Variants in SLC22A23 observed in about 807,000 individuals in gnomAD.
SLC22A23 encodes ion transporter protein.
SLC22A23 carries 26 observed loss-of-function variants against 61.0 expected under a neutral mutation model. That is an observed-to-expected ratio of 0.43 (90% CI 0.31 to 0.59). The LOEUF (loss-of-function observed/expected upper bound fraction) is 0.59, where lower values mean the gene tolerates loss of function less well. Ranked by LOEUF, SLC22A23 falls within the 20% of genes least tolerant of loss-of-function variation. The pLI is 0.11. For missense variants in SLC22A23, 796 were observed against 934.7 expected (o/e 0.85, Z 1.94); for synonymous variants, 430 against 413.9 (o/e 1.04, Z -0.47).
intron 3 of SLC22A23, among the ~76,000 whole-genome samples, chr6:3,393,597 T>C (rs765332996): frequency 3.3e-5 from 5 of 152,232 alleles, no homozygotes; most frequent in African/African-American, 7.2e-5. Flanking sequence ...CATAGGATGA[T>C]GTGAGCGGGA....
At chr6:3,444,969 G>T (rs1261253787) in intron 1 of SLC22A23, 4 of 985,404 alleles carry the variant, frequency 4.1e-6, no homozygotes, top group Admixed American at 6.1e-5. Context: ...ACCCCACCAA[G>T]GGGAGGAAGG....
intron 9 of SLC22A23, among the ~76,000 whole-genome samples, chr6:3,280,923 G>A (rs1002670541): frequency 1.3e-5 from 2 of 152,158 alleles, no homozygotes; most frequent in Non-Finnish European, 2.9e-5. Context: ...GGAGTCGTCA[G>A]TCAGGGAGTG....
intron 8 of SLC22A23, among the ~76,000 whole-genome samples, chr6:3,284,522 C>G (rs575582091): frequency 1.3e-5 from 2 of 152,364 alleles, no homozygotes; most frequent in African/African-American, 4.8e-5. Context: ...CAGGACCATA[C>G]AGCTGGGGCT....
chr6:3,303,944 T>A lies in SLC22A23; in HGVS notation c.1083-5726A>T, dbSNP rs117341614. On this transcript the variant is annotated intron_variant, in intron 4 of 9. Transcript: ENST00000406686. Reference sequence around the variant, plus strand: ...TAGCACAACATCACTATGTACCCCATAAATATGTACAATTCTGATGTGTTA... The same window carrying A: ...TAGCACAACATCACTATGTACCCCAAAAATATGTACAATTCTGATGTGTTA... Among the ~76,000 whole-genome samples the A allele has an allele frequency of 6.3e-4, 96 of 152,340 alleles. 2 individuals are homozygous for A. The East Asian group carries it at 0.018, about 28-fold the overall frequency.
rs111359938 is a variant in SLC22A23, at chr6:3,322,998, C to A, written c.1082+836G>T. 4.7e-4 allele frequency among the ~76,000 whole-genome samples: 72 copies of A among 152,212 alleles called. No homozygotes were observed. Among genetic ancestry groups the A allele is most frequent in the Non-Finnish European group, 9.0e-4 (61 of 68,010 alleles). ...AAAGTATCATTTTTAGGGTCAACAT[C>A]TCTCTATCCGTGGAGCAGTGTTTTC... On this transcript the variant is annotated intron_variant, in intron 4 of 9. Transcript: ENST00000406686. The surrounding 1 kb of genome is among the most constrained non-coding windows in gnomAD (Gnocchi z 4.1).
intron 4 of SLC22A23, among the ~76,000 whole-genome samples, chr6:3,299,421 C>T (rs1431361717): frequency 1.3e-5 from 2 of 152,206 alleles, no homozygotes; most frequent in African/African-American, 2.4e-5. Context: ...GCTATTTCCA[C>T]GTTACTGCTA....
At chr6:3,441,713 C>T (rs570622827) in intron 1 of SLC22A23, among the ~76,000 whole-genome samples, 1 of 152,192 alleles carries the variant, frequency 6.6e-6, no homozygotes, top group African/African-American at 2.4e-5. Flanking sequence ...GTTCACCCCC[C>T]ACCCTCAGCT....
chr6:3,285,969 T>A (rs928049842), intron 7 of SLC22A23, among the ~76,000 whole-genome samples: 8 of 152,188 alleles, frequency 5.3e-5, no homozygotes, highest in African/African-American at 1.9e-4. Context: ...TCCTGCCTGT[T>A]CACGTCGCGC....
At chr6:3,361,497 A>T (rs1445257129) in intron 3 of SLC22A23, among the ~76,000 whole-genome samples, 1 of 152,148 alleles carries the variant, frequency 6.6e-6, no homozygotes, top group Non-Finnish European at 1.5e-5. Flanking sequence ...GGCCACAAAG[A>T]CTGGGGTCCC....
At chr6:3,277,242 G>A (rs1173366774) in intron 9 of SLC22A23, among the ~76,000 whole-genome samples, 18 of 152,192 alleles carry the variant, frequency 1.2e-4, no homozygotes, top group Non-Finnish European at 1.5e-5. Flanking sequence ...ATGACATGGA[G>A]TCCTAAAAGT....
chr6:3,416,530 A>G (rs1310171240), intron 1 of SLC22A23, among the ~76,000 whole-genome samples: 1 of 152,272 alleles, frequency 6.6e-6, no homozygotes, highest in Non-Finnish European at 1.5e-5. Flanking sequence ...TTGTTTAATA[A>G]GAAAAATACA....
At chr6:3,438,728 A>G (rs988876014) in intron 1 of SLC22A23, among the ~76,000 whole-genome samples, 2 of 152,242 alleles carry the variant, frequency 1.3e-5, no homozygotes, top group Admixed American at 6.5e-5. Flanking sequence ...GGTCATTAGC[A>G]ACATTCATTC....
chr6:3,325,666 TA>T lies in SLC22A23; in HGVS notation c.914-1665del, dbSNP rs1763237221. Among the ~76,000 whole-genome samples, 5 of 152,222 alleles carry T rather than the reference TA, an allele frequency of 3.3e-5. No homozygotes were observed. In the South Asian group the frequency reaches 1.0e-3, roughly 32 times the overall value. On this transcript the variant is annotated intron_variant, in intron 3 of 9. Transcript: ENST00000406686. Reference sequence around the variant, plus strand: ...GATCTGGCATTTCTGCTCTCAAAAATAATAAAGAAAAATAGGTCTTTTAAGA... The same window carrying T: ...GATCTGGCATTTCTGCTCTCAAAAATATAAAGAAAAATAGGTCTTTTAAGA...
rs1769486916 is a variant in SLC22A23, at chr6:3,414,119, G to T, written c.758+1633C>A. 6.6e-6 allele frequency among the ~76,000 whole-genome samples: 1 copy of T among 152,190 alleles called. No individual in the cohort carries two copies. The highest frequency in any genetic ancestry group is 1.5e-5 in the Non-Finnish European group (1 of 68,042). Reference sequence around the variant, plus strand: ...TCTTTAAACAATTTAAACTGTTACAGACTGGTTCATTCATAAAAGTCGATT... The same window carrying T: ...TCTTTAAACAATTTAAACTGTTACATACTGGTTCATTCATAAAAGTCGATT... On this transcript the variant is annotated intron_variant, in intron 2 of 9. Transcript: ENST00000406686. The surrounding 1 kb of genome is among the most constrained non-coding windows in gnomAD (Gnocchi z 5.1).
At chr6:3,430,251 T>G (rs1770771427) in intron 1 of SLC22A23, among the ~76,000 whole-genome samples, 1 of 152,106 alleles carries the variant, frequency 6.6e-6, no homozygotes, top group Non-Finnish European at 1.5e-5. Flanking sequence ...ATCTGACATC[T>G]CGTCTCCGCT....
rs1199515267 is a variant in SLC22A23 at position 3,333,140 on chromosome 6, T to C, written c.914-9138A>G. Among the ~76,000 whole-genome samples, 1 of 152,198 alleles carries C rather than the reference T, an allele frequency of 6.6e-6. No homozygotes were observed. Among genetic ancestry groups the C allele is most frequent in the Non-Finnish European group, 1.5e-5 (1 of 68,030 alleles). On this transcript the variant is annotated intron_variant, in intron 3 of 9. Transcript: ENST00000406686. This position sits in a 1 kb window ranked among gnomAD's most constrained non-coding sequence, Gnocchi z 4.1. ...CCATCCTAGAGTTGTTCACCAACAT[T>C]TTCCCTAAAGGTTTTGTAGGGAGTG...
rs1767577910 is a variant in SLC22A23 at position 3,390,206 on chromosome 6, T to G, written c.913+19982A>C. ...GGCCTATGTTAAACTTCACATCCAA[T>G]GACACCGAGGAGGAAAGGTACCGAA... On this transcript the variant is annotated intron_variant, in intron 3 of 9. Transcript: ENST00000406686. The surrounding 1 kb of genome is among the most constrained non-coding windows in gnomAD (Gnocchi z 4.0). Among the ~76,000 whole-genome samples the G allele has an allele frequency of 6.6e-6, 1 of 152,136 alleles. No individual in the cohort carries two copies. The highest frequency in any genetic ancestry group is 2.1e-4 in the South Asian group (1 of 4,828).
chr6:3,276,559 C>T (rs1053320479), intron 9 of SLC22A23: 4 of 152,924 alleles, frequency 2.6e-5, no homozygotes, highest in African/African-American at 4.8e-5. Flanking sequence ...GGGGCCCCAC[C>T]TCTTCCTCCT....
intron 5 of SLC22A23, among the ~76,000 whole-genome samples, chr6:3,296,089 G>A (rs1022618524): frequency 2.0e-5 from 3 of 152,202 alleles, no homozygotes; most frequent in African/African-American, 4.8e-5. Flanking sequence ...AAGAAGCAGA[G>A]TGTGATGACT....
Sources: allele counts gnomAD v4.1 joint callset (sites outside exome capture counted in the v4.1 genomes callset), GRCh38; gene constraint gnomAD v4.1.1; non-coding constraint Gnocchi (gnomAD v3.1); transcripts MANE v1.5; gene names NCBI Gene and HGNC (gene_info 2026-07-23, HGNC 2026-07-21).